Variants in COBL observed in about 807,000 individuals in gnomAD.
The protein encoded by COBL is protein cordon-bleu.
COBL carries 51 observed loss-of-function variants against 98.8 expected under a neutral mutation model. The observed-to-expected ratio is 0.52, with a 90% CI of 0.41 to 0.65. The LOEUF (loss-of-function observed/expected upper bound fraction) is 0.65. COBL is among the 30% of genes least tolerant of loss of function. COBL has a pLI of 0.00. For missense variants in COBL, 1,617 were observed against 1,617.5 expected, an observed-to-expected ratio of 1.00 and a Z score of 0.01; for synonymous variants, 634 against 651.7, an observed-to-expected ratio of 0.97 and a Z score of 0.41.
intron 1 of COBL, among the ~76,000 whole-genome samples, chr7:51,252,725 G>T (rs1053671466): frequency 2.6e-5 from 4 of 152,074 alleles, no homozygotes; most frequent in Admixed American, 2.6e-4. Flanking sequence ...CAGCAGGAGG[G>T]GTTCAATTTA....
intron 7 of COBL, among the ~76,000 whole-genome samples, chr7:51,059,265 T>A (rs1562856078): frequency 6.6e-6 from 1 of 152,376 alleles, no homozygotes; most frequent in East Asian, 1.9e-4. Context: ...GTTTTGGTCT[T>A]TATTTCGATG....
chr7:51,208,678 G>A (rs1792075220), intron 2 of COBL, among the ~76,000 whole-genome samples: 1 of 152,214 alleles, frequency 6.6e-6, no homozygotes, highest in Non-Finnish European at 1.5e-5. Flanking sequence ...TGTGTAGAAA[G>A]AAGTAGACAT....
intron 2 of COBL, among the ~76,000 whole-genome samples, chr7:51,217,340 C>CTTTTTTTT (rs937958755): frequency 4.9e-4 from 63 of 127,722 alleles, no homozygotes; most frequent in African/African-American, 1.8e-3. Context: ...TTTTCTTTTT[C>CTTTTTTTT]TTTTTTTTTT....
intron 9 of COBL, among the ~76,000 whole-genome samples, chr7:51,030,423 A>C (rs1788025852): frequency 6.6e-6 from 1 of 152,220 alleles, no homozygotes; most frequent in South Asian, 2.1e-4. Context: ...ATTGTGGTCA[A>C]AAGGCTGAGT....
intron 5 of COBL, among the ~76,000 whole-genome samples, chr7:51,174,828 G>A (rs1252742516): frequency 1.3e-5 from 2 of 152,166 alleles, no homozygotes; most frequent in Middle Eastern, 6.3e-3. Flanking sequence ...GTGTGTCCTA[G>A]GCAGTGAGGC....
chr7:51,209,134 G>T (rs192606781), intron 2 of COBL, among the ~76,000 whole-genome samples: 30 of 149,940 alleles, frequency 2.0e-4, no homozygotes. Flanking sequence ...CCGTGACCCT[G>T]AGCATGAGCT....
chr7:51,133,220 A>G (rs1370403), intron 6 of COBL, among the ~76,000 whole-genome samples: 145,537 of 152,228 alleles, frequency 0.96, 69,808 homozygotes, highest in African/African-American at 0.99. Flanking sequence ...CTGTCCTCCC[A>G]GATGAGGGTT....
At chr7:51,026,761 G>GT in intron 10 of COBL, 96 bp from the exon 11 acceptor site, 1 of 1,438,698 alleles carries the variant, frequency 7.0e-7, no homozygotes, top group Non-Finnish European at 9.5e-7. Flanking sequence ...GGCCAGGCAC[G>GT]GTGGCTCATG....
chr7:51,160,952 G>A (rs1786737007), intron 5 of COBL, among the ~76,000 whole-genome samples: 1 of 151,264 alleles, frequency 6.6e-6, no homozygotes, highest in Non-Finnish European at 1.5e-5. Flanking sequence ...CGCCCAGGCT[G>A]GAGTGCAGTG....
chr7:51,240,859 T>C (rs1795727430), intron 1 of COBL, among the ~76,000 whole-genome samples: 1 of 152,170 alleles, frequency 6.6e-6, no homozygotes, highest in African/African-American at 2.4e-5. Context: ...TATTTTAAAT[T>C]AGGTACTACA....
At chr7:51,074,411 G>A (rs1792865843) in intron 7 of COBL, among the ~76,000 whole-genome samples, 1 of 152,010 alleles carries the variant, frequency 6.6e-6, no homozygotes. Context: ...GGCCAGGATG[G>A]TCTCGATCTC....
intron 1 of COBL, among the ~76,000 whole-genome samples, chr7:51,256,681 T>C (rs531822823): frequency 1.3e-5 from 2 of 152,218 alleles, no homozygotes; most frequent in Non-Finnish European, 2.9e-5. Flanking sequence ...GGGCAAGTGT[T>C]ACTACCACCA....
At chr7:51,262,875 A>AGAG (rs1267256845) in intron 1 of COBL, among the ~76,000 whole-genome samples, 1 of 152,126 alleles carries the variant, frequency 6.6e-6, no homozygotes, top group Non-Finnish European at 1.5e-5. Flanking sequence ...GGCAGGGCCC[A>AGAG]GAGGCATTGA....
chr7:51,109,270 G>A lies in COBL; in HGVS notation c.958-23966C>T, dbSNP rs1796616853. On this transcript the variant is annotated intron_variant, in intron 6 of 12. Coordinates refer to ENST00000265136, the MANE Select transcript of COBL (RefSeq NM_015198.5). ...TTATTTCCCCAACTACCACCTACTGGTGGTCATTTTCAAACCACCTGTGTG... is the reference window on the plus strand; with the variant it reads ...TTATTTCCCCAACTACCACCTACTGATGGTCATTTTCAAACCACCTGTGTG... Among the ~76,000 whole-genome samples, 7 of 152,230 alleles carry A rather than the reference G, an allele frequency of 4.6e-5. No homozygotes were observed. In the South Asian group the frequency reaches 1.5e-3, roughly 32 times the overall value.
intron 7 of COBL, among the ~76,000 whole-genome samples, chr7:51,048,865 G>T (rs529257207): frequency 6.6e-6 from 1 of 152,240 alleles, no homozygotes; most frequent in Admixed American, 6.5e-5. Flanking sequence ...AAGTGAGTGA[G>T]GCTTTTTCAA....
chr7:51,221,761 AC>A (rs1240354842), intron 1 of COBL, among the ~76,000 whole-genome samples: 1 of 152,204 alleles, frequency 6.6e-6, no homozygotes, highest in African/African-American at 2.4e-5. Context: ...CATAGTTATC[AC>A]TTGTATATGT....
intron 1 of COBL, among the ~76,000 whole-genome samples, chr7:51,225,839 G>A (rs1794123019): frequency 1.3e-5 from 2 of 152,128 alleles, no homozygotes; most frequent in South Asian, 4.2e-4. Flanking sequence ...AGGGTCTTAG[G>A]TGACATGGTG....
intron 6 of COBL, among the ~76,000 whole-genome samples, chr7:51,091,127 T>A (rs1794775208): frequency 6.6e-6 from 1 of 151,766 alleles, no homozygotes; most frequent in South Asian, 2.1e-4. Flanking sequence ...CATTAAAAAA[T>A]AACAAGGTAC....
chr7:51,311,532 A>C (rs1803037856), intron 1 of COBL, among the ~76,000 whole-genome samples: 1 of 152,256 alleles, frequency 6.6e-6, no homozygotes, highest in African/African-American at 2.4e-5. Context: ...TATAAAGTAT[A>C]CAAGAGGAAA....
Sources: allele counts gnomAD v4.1 joint callset (sites outside exome capture counted in the v4.1 genomes callset), GRCh38; gene constraint gnomAD v4.1.1; transcripts MANE v1.5; gene names NCBI Gene and HGNC (gene_info 2026-07-23, HGNC 2026-07-21).